Variants in NLN observed in about 807,000 individuals in gnomAD.
The protein encoded by NLN is neurolysin, mitochondrial.
A neutral mutation model predicts 79.9 loss-of-function variants in NLN; 64 were observed. The observed-to-expected ratio is 0.80, with a 90% CI of 0.65 to 0.99. The LOEUF (loss-of-function observed/expected upper bound fraction) is 0.99, where lower values mean the gene tolerates loss of function less well. Among genes scored for constraint, NLN ranks in the 50% least tolerant of loss-of-function variants. The pLI is 0.00. For synonymous variants in NLN, 267 were observed against 296.6 expected, an observed-to-expected ratio of 0.90 and a Z score of 1.02; for missense variants, 835 against 858.7, an observed-to-expected ratio of 0.97 and a Z score of 0.34.
Position 65,809,568 on chromosome 5 carries a change from G to A in NLN, c.1581G>A (p.Val527=), listed in dbSNP as rs1190009599. Residue 527 remains valine, a synonymous_variant, in exon 10 of 13, where the codon GTG becomes GTA. Transcript: ENST00000380985. ...ATGTGGAAACTGACTTTGTAGAGGT[G>A]CCATCGCAAATGCTTGAAAATTGGG... is the stretch of plus-strand genomic sequence containing the variant. ...GTNVETDFVE[V]PSQMLENWVW... The A allele has an allele frequency of 9.9e-6, 16 of 1,613,166 alleles. No individual in the cohort carries two copies. Among genetic ancestry groups the A allele is most frequent in the South Asian group, 2.2e-5 (2 of 90,774 alleles).
At chr5:65,730,483 C>A (rs1758580313) in intron 1 of NLN, among the ~76,000 whole-genome samples, 1 of 151,418 alleles carries the variant, frequency 6.6e-6, no homozygotes, top group Admixed American at 6.6e-5. Flanking sequence ...AAATGTCAGG[C>A]AAGTAAGTAG....
chr5:65,769,439 G>GC (rs1759521470), intron 3 of NLN, among the ~76,000 whole-genome samples: 1 of 152,198 alleles, frequency 6.6e-6, no homozygotes, highest in Admixed American at 6.5e-5. Flanking sequence ...GTGCTTGAGG[G>GC]AAGGGATACC....
Position 65,798,329 on chromosome 5 carries a change from T to C in NLN, c.1527+5674T>C, listed in dbSNP as rs1024879496. Among the ~76,000 whole-genome samples the C allele has an allele frequency of 4.6e-5, 7 of 152,238 alleles. No homozygotes were observed. The East Asian group carries it at 1.2e-3, about 25-fold the overall frequency. ...TAGTCATGACCTAACTGCTCTACTT[T>C]ATTGCGTATTTGCGCTCCCATTCCA... On this transcript the variant is annotated intron_variant, in intron 9 of 12. Transcript: ENST00000380985.
intron 9 of NLN, among the ~76,000 whole-genome samples, chr5:65,806,776 T>G (rs1760421959): frequency 6.6e-6 from 1 of 152,168 alleles, no homozygotes; most frequent in African/African-American, 2.4e-5. Context: ...TGAAAGACAT[T>G]CTGTTGTGGG....
At chr5:65,817,404 C>T (rs1263773591) in intron 12 of NLN, among the ~76,000 whole-genome samples, 3 of 152,162 alleles carry the variant, frequency 2.0e-5, no homozygotes, top group Non-Finnish European at 1.5e-5. Context: ...TTCCAGGAAG[C>T]TCTCAAAGGT....
At chr5:65,812,884 C>G (rs906203245) in intron 12 of NLN, among the ~76,000 whole-genome samples, 1 of 152,188 alleles carries the variant, frequency 6.6e-6, no homozygotes, top group Admixed American at 6.5e-5. Context: ...AAAGTTGCTT[C>G]GTTAACCTGA....
Position 65,722,333 on chromosome 5 carries a change from A to C in NLN, c.-41A>C. On this transcript the variant is annotated 5_prime_UTR_variant, in exon 1 of 13. Coordinates refer to ENST00000380985, the MANE Select transcript of NLN (RefSeq NM_020726.5). Reference sequence around the variant, plus strand: ...CCGCCCGCCTCGCCGCCCCACGCCGAAGGACCACGCGCCCGCCGCCGCCAG... The same window carrying C: ...CCGCCCGCCTCGCCGCCCCACGCCGCAGGACCACGCGCCCGCCGCCGCCAG... 2 of 1,517,520 alleles carry C rather than the reference A, an allele frequency of 1.3e-6. No homozygotes were observed. The highest frequency in any genetic ancestry group is 1.8e-6 in the Non-Finnish European group (2 of 1,134,158). The allele number at this position is 1,517,520 out of a possible 1,614,324, so 94.0% of individuals were successfully genotyped here. A position where few individuals can be genotyped will look rare whatever the true frequency, so the allele number is the denominator to read the frequency against.
intron 6 of NLN, among the ~76,000 whole-genome samples, chr5:65,782,881 C>T (rs1561199860): frequency 6.6e-6 from 1 of 152,190 alleles, no homozygotes; most frequent in East Asian, 1.9e-4. Flanking sequence ...GGCCTGCTGT[C>T]TGAGTTATGG....
intron 9 of NLN, among the ~76,000 whole-genome samples, chr5:65,802,892 G>A (rs921793132): frequency 2.0e-5 from 3 of 152,086 alleles, no homozygotes. Flanking sequence ...TCCGCAGCTG[G>A]TTTGTCCCAC....
chr5:65,756,968 TC>T (rs1460324375), intron 1 of NLN, among the ~76,000 whole-genome samples: 1 of 152,290 alleles, frequency 6.6e-6, no homozygotes, highest in East Asian at 1.9e-4. Context: ...CTTGACACAT[TC>T]CCCCTGCCCC....
intron 1 of NLN, among the ~76,000 whole-genome samples, chr5:65,741,909 T>C (rs993795671): frequency 1.3e-5 from 2 of 152,218 alleles, no homozygotes; most frequent in Non-Finnish European, 2.9e-5. Flanking sequence ...CTGTGTCATA[T>C]ACAAAATTAG....
At chr5:65,785,976 G>A (rs1308768926) in intron 7 of NLN, 66 bp downstream of exon 7, 1 of 1,424,860 alleles carries the variant, frequency 7.0e-7, no homozygotes, top group Non-Finnish European at 9.7e-7. Context: ...GAAGGCCTCA[G>A]AACATAATAT....
chr5:65,725,057 G>T (rs1279824919), intron 1 of NLN, among the ~76,000 whole-genome samples: 1 of 151,832 alleles, frequency 6.6e-6, no homozygotes. Context: ...CGCCTGTCTC[G>T]GCCTCCCAAA....
At chr5:65,795,384 T>A (rs1218234665) in intron 9 of NLN, among the ~76,000 whole-genome samples, 1 of 151,802 alleles carries the variant, frequency 6.6e-6, no homozygotes, top group Non-Finnish European at 1.5e-5. Flanking sequence ...CCAGAGCCTG[T>A]CTCAAAAAAT....
intron 12 of NLN, chr5:65,818,672 T>G (rs1327610612): frequency 6.6e-6 from 1 of 152,188 alleles, no homozygotes; most frequent in Non-Finnish European, 1.5e-5. Context: ...TGGGAGGGAG[T>G]TATGGACTAT....
intron 1 of NLN, among the ~76,000 whole-genome samples, chr5:65,736,604 C>T (rs1240574466): frequency 6.6e-6 from 1 of 151,988 alleles, no homozygotes. Context: ...TTTGCCAATC[C>T]AATGGTTGTA....
chr5:65,823,014 T>G lies in NLN; in HGVS notation c.*99T>G. 1 of 888,268 alleles carries G rather than the reference T, an allele frequency of 1.1e-6. No homozygotes were observed. Among genetic ancestry groups the G allele is most frequent in the Non-Finnish European group, 1.8e-6 (1 of 562,030 alleles). 55.0% of individuals were successfully genotyped at this position (888,268 alleles called of 1,614,324 possible). A position where few individuals can be genotyped will look rare whatever the true frequency, so the allele number is the denominator to read the frequency against. Reference sequence around the variant, plus strand: ...GAAGGGAGTTTTGCAAGTGAAAATTTAGATTTCTATTGACATCCTTTTGTT... The same window carrying G: ...GAAGGGAGTTTTGCAAGTGAAAATTGAGATTTCTATTGACATCCTTTTGTT... On this transcript the variant is annotated 3_prime_UTR_variant, in exon 13 of 13. Transcript: ENST00000380985.
At chr5:65,738,311 T>C (rs1313788624) in intron 1 of NLN, among the ~76,000 whole-genome samples, 3 of 140,930 alleles carry the variant, frequency 2.1e-5, no homozygotes, top group Non-Finnish European at 4.8e-5. Context: ...AGGCCAGGTG[T>C]GGTGCCTCAT....
At chr5:65,776,517 G>C (rs1056580324) in intron 3 of NLN, among the ~76,000 whole-genome samples, 12 of 152,144 alleles carry the variant, frequency 7.9e-5, no homozygotes, top group Admixed American at 2.0e-4. Flanking sequence ...TTAACCAATA[G>C]AAGGCCTATA....
Sources: gnomAD v4.1 joint callset for allele counts (sites outside exome capture counted in the v4.1 genomes callset) on GRCh38, gnomAD v4.1.1 for gene constraint, MANE v1.5 for transcripts, NCBI Gene and HGNC (gene_info 2026-07-23, HGNC 2026-07-21) for gene names.